Variants in KSR2 observed in about 807,000 individuals in gnomAD.
The protein encoded by KSR2 is kinase suppressor of ras 2.
A neutral mutation model predicts 107.8 loss-of-function variants in KSR2; 25 were observed. The observed-to-expected ratio is 0.23, with a 90% confidence interval of 0.17 to 0.32. KSR2 has a LOEUF of 0.32. Among genes scored for constraint, KSR2 ranks in the 10% least tolerant of loss-of-function variants. KSR2 has a pLI of 1.00. For missense variants in KSR2, 887 were observed against 1,268.9 expected, an observed-to-expected ratio of 0.70 and a Z score of 4.57; for synonymous variants, 480 against 507.0, an observed-to-expected ratio of 0.95 and a Z score of 0.71.
intron 6 of KSR2, among the ~76,000 whole-genome samples, chr12:117,581,457 T>G (rs1285573406): frequency 1.3e-5 from 2 of 152,144 alleles, no homozygotes; most frequent in African/African-American, 4.8e-5. Flanking sequence ...GAGGCCCTGG[T>G]GCTAGGAAAA....
At chr12:117,506,983 T>C (rs951525310) in intron 14 of KSR2, among the ~76,000 whole-genome samples, 1 of 152,090 alleles carries the variant, frequency 6.6e-6, no homozygotes, top group Non-Finnish European at 1.5e-5. Context: ...TCCCAGGTAA[T>C]TCGAATGTTC....
intron 14 of KSR2, among the ~76,000 whole-genome samples, chr12:117,510,371 C>T (rs917870662): frequency 6.6e-6 from 1 of 152,116 alleles, no homozygotes; most frequent in African/African-American, 2.4e-5. Flanking sequence ...GAAATGCACA[C>T]AGTTACCTCT....
intron 5 of KSR2, among the ~76,000 whole-genome samples, chr12:117,655,262 T>G (rs571044425): frequency 6.6e-6 from 1 of 152,318 alleles, no homozygotes; most frequent in African/African-American, 2.4e-5. Flanking sequence ...CACACAGCAT[T>G]GCCTCTGACC....
In KSR2 at chr12:117,509,969, C is replaced by T. The variant is rs556637162; in HGVS notation, c.2219+14883G>A. ...ACAAGAGGGCTGGGGAGAAGGGCCTCTGCTTCTCATCACTCAGTCTCAGAG... is the reference window on the plus strand; with the variant it reads ...ACAAGAGGGCTGGGGAGAAGGGCCTTTGCTTCTCATCACTCAGTCTCAGAG... On this transcript the variant is annotated intron_variant, in intron 14 of 19. Transcript: ENST00000339824. Among the ~76,000 whole-genome samples, 7 of 152,360 alleles carry T rather than the reference C, an allele frequency of 4.6e-5. 1 individual carries two copies. The East Asian group carries it at 1.3e-3, about 29-fold the overall frequency.
chr12:117,670,850 C>T (rs909044654), intron 4 of KSR2, among the ~76,000 whole-genome samples: 2 of 152,118 alleles, frequency 1.3e-5, no homozygotes, highest in Admixed American at 6.5e-5. Flanking sequence ...GTGTTTCTAT[C>T]GTTTCTCTTC....
At chr12:117,504,920 C>A (rs1287981462) in intron 14 of KSR2, among the ~76,000 whole-genome samples, 1 of 152,128 alleles carries the variant, frequency 6.6e-6, no homozygotes, top group Non-Finnish European at 1.5e-5. Flanking sequence ...TCCCATTCTC[C>A]CCATTCCGAG....
intron 5 of KSR2, among the ~76,000 whole-genome samples, chr12:117,591,448 A>AT (rs953714965): frequency 3.3e-5 from 5 of 152,050 alleles, no homozygotes; most frequent in Non-Finnish European, 7.4e-5. Context: ...TCTTCTCTCT[A>AT]AGTTACAATT....
At chr12:117,662,145 T>C (rs1884458674) in intron 5 of KSR2, among the ~76,000 whole-genome samples, 1 of 152,164 alleles carries the variant, frequency 6.6e-6, no homozygotes, top group African/African-American at 2.4e-5. Flanking sequence ...AACGAAGTCC[T>C]TTGGGTAACT....
chr12:117,702,889 G>C (rs765436664), intron 4 of KSR2, among the ~76,000 whole-genome samples: 1 of 152,198 alleles, frequency 6.6e-6, no homozygotes, highest in Non-Finnish European at 1.5e-5. Context: ...GTTATTACAT[G>C]TTTGGGCCAT....
chr12:117,702,974 T>C (rs1287545709), intron 4 of KSR2, among the ~76,000 whole-genome samples: 1 of 151,938 alleles, frequency 6.6e-6, no homozygotes, highest in Non-Finnish European at 1.5e-5. Flanking sequence ...AGGGGGAAAA[T>C]AGTGAGGAAG....
intron 1 of KSR2, among the ~76,000 whole-genome samples, chr12:117,936,083 C>A (rs1015853665): frequency 2.6e-5 from 4 of 151,900 alleles, no homozygotes; most frequent in Non-Finnish European, 4.4e-5. Flanking sequence ...GTCACCCAGG[C>A]TGGAGTACAG....
rs1222985779 is a variant in KSR2, at chr12:117,706,245, T to C, written c.987-38587A>G. ...TTTTAGTAGAGATGGGGTTTCACCA[T>C]GTTGGCCAGGCTGGTCTTAAACTTC... On this transcript the variant is annotated intron_variant, in intron 4 of 19. Transcript: ENST00000339824. Among the ~76,000 whole-genome samples the C allele has an allele frequency of 3.3e-5, 5 of 151,838 alleles. No homozygotes were observed. The East Asian group carries it at 9.7e-4, about 29-fold the overall frequency.
chr12:117,727,914 CG>C (rs1887501998), intron 4 of KSR2, among the ~76,000 whole-genome samples: 1 of 152,152 alleles, frequency 6.6e-6, no homozygotes, highest in Non-Finnish European at 1.5e-5. Flanking sequence ...ATACAACACA[CG>C]GATGTATCTC....
At chr12:117,697,893 A>C (rs770489762) in intron 4 of KSR2, among the ~76,000 whole-genome samples, 1 of 152,168 alleles carries the variant, frequency 6.6e-6, no homozygotes, top group African/African-American at 2.4e-5. Flanking sequence ...TTAAATTTAG[A>C]TGAGTTCATA....
rs2137166293 is a variant in KSR2, at chr12:117,842,212, A to T, written c.472+13216T>A. Among the ~76,000 whole-genome samples the T allele has an allele frequency of 2.0e-5, 3 of 152,374 alleles. 1 individual carries two copies. The South Asian group carries it at 6.2e-4, about 32-fold the overall frequency. The stretch of plus-strand genomic sequence containing the variant: ...ACTGTTCTTGTGGAAAGGGGTATGA[A>T]AATAAACAAAATCATTTTAGATATG... On this transcript the variant is annotated intron_variant, in intron 3 of 19. Transcript: ENST00000339824. This position sits in a 1 kb window ranked among gnomAD's most constrained non-coding sequence, Gnocchi z 4.2.
At chr12:117,504,225 T>C (rs1873542184) in intron 14 of KSR2, among the ~76,000 whole-genome samples, 1 of 152,232 alleles carries the variant, frequency 6.6e-6, no homozygotes, top group Admixed American at 6.5e-5. Flanking sequence ...CATGTGACAA[T>C]GTTGCATCTT....
intron 4 of KSR2, among the ~76,000 whole-genome samples, chr12:117,704,848 G>T (rs887670614): frequency 5.5e-5 from 8 of 145,054 alleles, no homozygotes; most frequent in Admixed American, 4.7e-4. Context: ...GACAGAGTGA[G>T]ACTTCATCTC....
rs1006096434 is a variant in KSR2 at position 117,665,227 on chromosome 12, C to A, written c.1171+2247G>T. ...TTTTAATTAAGGACTTTGCTCCTGT[C>A]CACAGGCAAGCAGAAACGCTTTTCC... On this transcript the variant is annotated intron_variant, in intron 5 of 19. Transcript: ENST00000339824. Among the ~76,000 whole-genome samples, 3 of 152,178 alleles carry A rather than the reference C, an allele frequency of 2.0e-5. No homozygotes were observed. In the East Asian group the frequency reaches 5.8e-4, roughly 29 times the overall value.
chr12:117,825,659 G>A (rs1891717295), intron 3 of KSR2, among the ~76,000 whole-genome samples: 1 of 152,018 alleles, frequency 6.6e-6, no homozygotes, highest in South Asian at 2.1e-4. Flanking sequence ...TCATTGTTTC[G>A]CTGAATGGTT....
Sources: allele counts gnomAD v4.1 joint callset (sites outside exome capture counted in the v4.1 genomes callset), GRCh38; gene constraint gnomAD v4.1.1; non-coding constraint Gnocchi (gnomAD v3.1); transcripts MANE v1.5; gene names NCBI Gene and HGNC (gene_info 2026-07-23, HGNC 2026-07-21).